Variants in LRRC49 observed in about 807,000 individuals in gnomAD.
The protein encoded by LRRC49 is leucine-rich repeat-containing protein 49.
Under a neutral mutation model 83.3 loss-of-function variants are expected in LRRC49, and 50 were observed. The observed-to-expected ratio is 0.60, with a 90% confidence interval of 0.48 to 0.76. The LOEUF is 0.76. Ranked by LOEUF, LRRC49 falls within the 30% of genes least tolerant of loss-of-function variation. LRRC49 has a pLI of 0.00. For synonymous variants in LRRC49, 286 were observed against 283.3 expected, an observed-to-expected ratio of 1.01 and a Z score of -0.10; for missense variants, 704 against 809.1, an observed-to-expected ratio of 0.87 and a Z score of 1.58.
chr15:71,008,774 T>A (rs897380443), intron 12 of LRRC49, among the ~76,000 whole-genome samples, 158 bp downstream of exon 12: 2 of 151,974 alleles, frequency 1.3e-5, no homozygotes, highest in Non-Finnish European at 2.9e-5. Flanking sequence ...TAAATTAGTA[T>A]TCATAAATGG....
chr15:70,976,844 T>G (rs755141953), intron 9 of LRRC49, among the ~76,000 whole-genome samples: 178 of 152,162 alleles, frequency 1.2e-3, no homozygotes, highest in Admixed American at 2.3e-3. Context: ...CAATTAGAGG[T>G]TTTTTTTCTA....
At chr15:70,854,214 C>T (rs2032586132) in intron 1 of LRRC49, 1 of 609,932 alleles carries the variant, frequency 1.6e-6, no homozygotes, top group Non-Finnish European at 2.2e-6. Context: ...AGGGGAGGGA[C>T]AGGGGTCGCG....
At chr15:70,899,686 A>C (rs927995706) in intron 3 of LRRC49, among the ~76,000 whole-genome samples, 8 of 152,128 alleles carry the variant, frequency 5.3e-5, no homozygotes, top group African/African-American at 1.9e-4. Flanking sequence ...ATAGCTTTTT[A>C]ATATGATTTA....
chr15:70,882,380 C>T (rs941789415), intron 2 of LRRC49: 1 of 1,272,086 alleles, frequency 7.9e-7, no homozygotes, highest in African/African-American at 1.5e-5. Flanking sequence ...GAAAGATTTA[C>T]AATAGCAAAG....
intron 2 of LRRC49, among the ~76,000 whole-genome samples, chr15:70,875,325 A>C (rs1463916328): frequency 6.6e-6 from 1 of 152,176 alleles, no homozygotes; most frequent in African/African-American, 2.4e-5. Context: ...GACATAACTA[A>C]AGGCAGGGCT....
Position 70,879,581 on chromosome 15 carries a change from C to T in LRRC49, c.18+6358C>T, listed in dbSNP as rs976509296. 2.8e-4 allele frequency among the ~76,000 whole-genome samples: 42 copies of T among 152,286 alleles called. 2 individuals are homozygous for T. The highest frequency in any genetic ancestry group is 7.5e-4 in the African/African-American group (31 of 41,560). The stretch of plus-strand genomic sequence containing the variant: ...GCAACCGTTGTTTTATGCCGGGCCC[C>T]CAGAGGTCACAACACAGGCATAGCT... On this transcript the variant is annotated intron_variant, in intron 2 of 16. Coordinates refer to the LRRC49 transcript ENST00000544974.
chr15:70,860,282 T>A, intron 1 of LRRC49: 1 of 556,902 alleles, frequency 1.8e-6, no homozygotes, highest in Non-Finnish European at 3.2e-6. Flanking sequence ...GCCCAAGCCC[T>A]CAGCCCACCC....
chr15:70,855,787 G>T (rs2032641078), intron 1 of LRRC49, among the ~76,000 whole-genome samples: 1 of 152,196 alleles, frequency 6.6e-6, no homozygotes, highest in African/African-American at 2.4e-5. Context: ...CACCAGAACA[G>T]CTCACAGCCC....
chr15:70,870,945 G>GTTTT (rs71281973), intron 1 of LRRC49, among the ~76,000 whole-genome samples: 2 of 88,692 alleles, frequency 2.3e-5, no homozygotes, highest in Admixed American at 1.5e-4. Flanking sequence ...GCCATGCTTA[G>GTTTT]TTTTTTTTTT....
intron 8 of LRRC49, among the ~76,000 whole-genome samples, chr15:70,958,272 C>T (rs1160878719): frequency 1.3e-5 from 2 of 152,042 alleles, no homozygotes; most frequent in Non-Finnish European, 1.5e-5. Context: ...CCCTTCATGA[C>T]GTTATTAATT....
chr15:70,860,116 G>C, intron 1 of LRRC49: 1 of 705,382 alleles, frequency 1.4e-6, no homozygotes, highest in South Asian at 1.6e-5. Flanking sequence ...ATTGAGACCC[G>C]TGATGGGAAG....
intron 8 of LRRC49, among the ~76,000 whole-genome samples, chr15:70,950,495 A>G (rs1024348974): frequency 6.6e-5 from 10 of 151,982 alleles, no homozygotes; most frequent in African/African-American, 2.4e-4. Flanking sequence ...TTTGATTTGC[A>G]TTTATCTAAT....
upstream of LRRC49, chr15:70,891,756 T>G (rs2141093200): frequency 4.9e-5 from 59 of 1,214,192 alleles, no homozygotes; most frequent in Non-Finnish European, 6.2e-5. Flanking sequence ...ACTTTCGAGA[T>G]GAGGTGCCTT....
chr15:70,988,841 A>G (rs1258854254), intron 11 of LRRC49, among the ~76,000 whole-genome samples: 1 of 152,086 alleles, frequency 6.6e-6, no homozygotes, highest in Non-Finnish European at 1.5e-5. Flanking sequence ...GGTGGTGACA[A>G]AATCTCTCAG....
intron 11 of LRRC49, among the ~76,000 whole-genome samples, chr15:70,988,965 C>A (rs1295027554): frequency 6.6e-6 from 1 of 152,158 alleles, no homozygotes; most frequent in Non-Finnish European, 1.5e-5. Context: ...AATATTGACC[C>A]CCACTCTCTT....
intron 15 of LRRC49, among the ~76,000 whole-genome samples, chr15:71,038,106 CAT>C (rs1191612718): frequency 6.6e-6 from 1 of 152,146 alleles, no homozygotes; most frequent in African/African-American, 2.4e-5. Context: ...ATCTATGACT[CAT>C]GTGCAAGGTG....
intron 3 of LRRC49, chr15:70,898,515 C>A: frequency 1.5e-6 from 1 of 659,050 alleles, no homozygotes; most frequent in Non-Finnish European, 2.7e-6. Context: ...TGGCTCATGC[C>A]TGTAACCCCA....
Position 70,914,705 on chromosome 15 carries a change from A to G in LRRC49, c.567+3107A>G, listed in dbSNP as rs575614820. 5.9e-5 allele frequency among the ~76,000 whole-genome samples: 9 copies of G among 152,342 alleles called. No homozygotes were observed. The South Asian group carries it at 1.4e-3, about 25-fold the overall frequency. On this transcript the variant is annotated intron_variant, in intron 6 of 15. Coordinates refer to ENST00000260382, the MANE Select transcript of LRRC49 (RefSeq NM_017691.5). ...AACCTAGAGCTTGTGTTGGTTAACC[A>G]TAATTTTTTCTCTCAGTGAATTTTT...
At chr15:71,011,949 G>A (rs1225527793) in intron 13 of LRRC49, among the ~76,000 whole-genome samples, 1 of 152,050 alleles carries the variant, frequency 6.6e-6, no homozygotes, top group Non-Finnish European at 1.5e-5. Context: ...GACATTTTGA[G>A]CCAGATAATT....
Sources: gnomAD v4.1 joint callset for allele counts (sites outside exome capture counted in the v4.1 genomes callset) on GRCh38, gnomAD v4.1.1 for gene constraint, MANE v1.5 for transcripts, NCBI Gene and HGNC (gene_info 2026-07-23, HGNC 2026-07-21) for gene names.